VAC14: variants seen among roughly 807,000 people sequenced by gnomAD.
VAC14 encodes VAC14 component of PIKFYVE complex.
A neutral mutation model predicts 85.3 loss-of-function variants in VAC14; 47 were observed. The observed-to-expected ratio is 0.55, with a 90% CI of 0.44 to 0.70. The LOEUF (loss-of-function observed/expected upper bound fraction) is 0.70. Among genes scored for constraint, VAC14 ranks in the 30% least tolerant of loss-of-function variants. The probability of loss-of-function intolerance (pLI) is 0.00; values close to 1 mark genes in which losing one functional copy is unlikely to be tolerated. For synonymous variants in VAC14, 447 were observed against 430.5 expected (o/e 1.04, Z -0.47); for missense variants, 861 against 1,004.3 (o/e 0.86, Z 1.93).
Position 70,701,577 on chromosome 16 carries a change from G to C in VAC14, c.1662-2766C>G, listed in dbSNP as rs558035798. The stretch of plus-strand genomic sequence containing the variant: ...GGGGGCTGTCAGCATCTCCTGCCTG[G>C]TCCATCTCCCCATGTCTCAGGATCT... On this transcript the variant is annotated intron_variant, in intron 14 of 18. Transcript: ENST00000261776. Among the ~76,000 whole-genome samples, 8 of 152,148 alleles carry C rather than the reference G, an allele frequency of 5.3e-5. No homozygotes were observed. The South Asian group carries it at 1.5e-3, about 28-fold the overall frequency.
intron 1 of VAC14, among the ~76,000 whole-genome samples, chr16:70,792,110 C>T (rs936682293): frequency 6.6e-6 from 1 of 152,132 alleles, no homozygotes; most frequent in African/African-American, 2.4e-5. Context: ...GTCCTCTAAC[C>T]CCTCGCTAGG....
chr16:70,736,337 G>A (rs904156378), intron 13 of VAC14, among the ~76,000 whole-genome samples: 4 of 152,224 alleles, frequency 2.6e-5, no homozygotes, highest in African/African-American at 9.6e-5. Flanking sequence ...AGAGCACTGC[G>A]CAGGGCAGAC....
At chr16:70,789,490 A>G (rs2034228025) in intron 1 of VAC14, among the ~76,000 whole-genome samples, 1 of 152,172 alleles carries the variant, frequency 6.6e-6, no homozygotes, top group Non-Finnish European at 1.5e-5. Context: ...GTGCGCACAC[A>G]GCTGCTCACA....
intron 18 of VAC14, chr16:70,689,344 G>A: frequency 1.0e-6 from 1 of 985,480 alleles, no homozygotes; most frequent in African/African-American, 1.7e-5. Context: ...CCGGGGCCCA[G>A]CAGCTTGAGG....
intron 9 of VAC14, among the ~76,000 whole-genome samples, chr16:70,779,835 CTTTT>C (rs567318932): frequency 7.9e-5 from 12 of 151,454 alleles, no homozygotes; most frequent in Non-Finnish European, 1.6e-4. Context: ...AATGTGGTTT[CTTTT>C]TTCTTTTTTT....
At chr16:70,743,441 A>G (rs890769981) in intron 13 of VAC14, among the ~76,000 whole-genome samples, 14 of 152,202 alleles carry the variant, frequency 9.2e-5, no homozygotes, top group African/African-American at 3.4e-4. Flanking sequence ...CTTCACAATA[A>G]ATCTTGCTGC....
At chr16:70,769,353 G>C (rs2033049291) in intron 10 of VAC14, 1 of 152,932 alleles carries the variant, frequency 6.5e-6, no homozygotes, top group African/African-American at 2.4e-5. Flanking sequence ...AGAATCACAG[G>C]GTGGGTCTGG....
rs772762229 is a variant in VAC14, at chr16:70,786,315, A to T, written c.155T>A (p.Val52Glu). ...AAACTCCTGGGACAGGGTCTGGATC[A>T]CATGCTTGATTTGCACGGTATTGTT... ...AQNNTVQIKH[V>E]IQTLSQEFAL... Residue 52 changes from valine to glutamate, a missense_variant, in exon 2 of 19, where the codon GTG becomes GAG. Coordinates refer to ENST00000261776, the MANE Select transcript of VAC14 (RefSeq NM_018052.5). 6.2e-7 allele frequency: 1 copy of T among 1,614,222 alleles called. No homozygotes were observed. The highest frequency in any genetic ancestry group is 8.5e-7 in the Non-Finnish European group (1 of 1,180,044).
chr16:70,719,518 C>G (rs934164676), intron 14 of VAC14, among the ~76,000 whole-genome samples: 2 of 152,030 alleles, frequency 1.3e-5, no homozygotes, highest in Admixed American at 1.3e-4. Flanking sequence ...CAAAGGACTT[C>G]CACAAATCAA....
Position 70,775,623 on chromosome 16 carries a change from G to C in VAC14, c.1097-3451C>G, listed in dbSNP as rs569196949. Among the ~76,000 whole-genome samples, 3 of 152,346 alleles carry C rather than the reference G, an allele frequency of 2.0e-5. No individual in the cohort carries two copies. The East Asian group carries it at 5.8e-4, about 29-fold the overall frequency. ...GCCCGCTCAGATGCTCGTCCTCCTA[G>C]TGCCAAGGCCCAGGCAGCCTGGTGT... On this transcript the variant is annotated intron_variant, in intron 9 of 18. Transcript: ENST00000261776.
Position 70,698,640 on chromosome 16 carries a change from G to A in VAC14, c.1833C>T (p.Thr611=), listed in dbSNP as rs753937759. ...TGGAGTCCCGGACGCAGCCTACCAGGGTCTTCAGGTCCTTCAGCTGGTTCC... is the reference window on the plus strand; with the variant it reads ...TGGAGTCCCGGACGCAGCCTACCAGAGTCTTCAGGTCCTTCAGCTGGTTCC... The part of the protein sequence containing the change: ...QLRNQLKDLK[T]LESQNLFCCL... The change falls in exon 15 of 19, where the codon ACC becomes ACT. Residue 611 remains threonine, a synonymous_variant. Coordinates refer to ENST00000261776, the MANE Select transcript of VAC14 (RefSeq NM_018052.5). 1 of 1,614,080 alleles carries A rather than the reference G, an allele frequency of 6.2e-7. No individual in the cohort carries two copies. The highest frequency in any genetic ancestry group is 1.1e-5 in the South Asian group (1 of 91,080).
chr16:70,741,712 T>C (rs1005545900), intron 13 of VAC14, among the ~76,000 whole-genome samples: 1 of 152,228 alleles, frequency 6.6e-6, no homozygotes, highest in African/African-American at 2.4e-5. Context: ...CCATCTGGCA[T>C]GCTTTGTCGT....
In VAC14 at chr16:70,763,010, T is replaced by G. The variant is rs1597965143; in HGVS notation, c.1176A>C (p.Pro392=). 1 of 1,614,092 alleles carries G rather than the reference T, an allele frequency of 6.2e-7. No homozygotes were observed. Among genetic ancestry groups the G allele is most frequent in the South Asian group, 1.1e-5 (1 of 91,088 alleles). ...VFTAASTERA[P]VTLHLDGIVQ... is the part of the protein sequence containing the mutation. The stretch of plus-strand genomic sequence containing the variant: ...CGATCCCGTCGAGGTGAAGGGTCAC[T>G]GGGGCTCTTTCAGTGCTGTGGGTAA... Residue 392 remains proline (P), a synonymous_variant, in exon 11 of 19, where the codon CCA becomes CCC. Transcript: ENST00000261776.
chr16:70,711,919 C>A (rs1013917645), intron 14 of VAC14, among the ~76,000 whole-genome samples: 1 of 152,196 alleles, frequency 6.6e-6, no homozygotes, highest in Non-Finnish European at 1.5e-5. Context: ...AGCCTCACGG[C>A]GGCCTCTGAG....
chr16:70,693,090 G>A (rs988584002), intron 17 of VAC14, 119 bp from the exon 18 acceptor site: 11 of 1,354,184 alleles, frequency 8.1e-6, no homozygotes, highest in Admixed American at 2.6e-5. Flanking sequence ...GGCACCCACA[G>A]CCCAAGGACC....
intron 14 of VAC14, among the ~76,000 whole-genome samples, chr16:70,719,537 A>C (rs934860663): frequency 6.6e-6 from 1 of 152,222 alleles, no homozygotes; most frequent in African/African-American, 2.4e-5. Context: ...AATAAGAAAA[A>C]CACCAAAAAC....
intron 1 of VAC14, among the ~76,000 whole-genome samples, chr16:70,787,553 C>T (rs922953492): frequency 6.6e-6 from 1 of 152,172 alleles, no homozygotes; most frequent in Non-Finnish European, 1.5e-5. Context: ...GTTTTCAGAG[C>T]CCCATGGACA....
chr16:70,692,444 T>C lies in VAC14; in HGVS notation c.2186+377A>G, dbSNP rs552299380. Among the ~76,000 whole-genome samples, 5 of 152,102 alleles carry C rather than the reference T, an allele frequency of 3.3e-5. No homozygotes were observed. The East Asian group carries it at 7.8e-4, about 24-fold the overall frequency. ...GCACAGACAGCCACTGGGGCCCCCA[T>C]CTCTAAGCTGGGGCAGGAACTCCTC... On this transcript the variant is annotated intron_variant, in intron 18 of 18. Transcript: ENST00000261776.
intron 10 of VAC14, among the ~76,000 whole-genome samples, chr16:70,767,050 G>A (rs1337271717): frequency 2.0e-5 from 3 of 152,192 alleles, no homozygotes; most frequent in East Asian, 1.9e-4. Context: ...AAGTCTAGAC[G>A]AGTCACTCCT....
Sources: allele counts gnomAD v4.1 joint callset (sites outside exome capture counted in the v4.1 genomes callset), GRCh38; gene constraint gnomAD v4.1.1; transcripts MANE v1.5; gene names NCBI Gene and HGNC (gene_info 2026-07-23, HGNC 2026-07-21).